Variants in CHD1 observed in about 807,000 individuals in gnomAD.
CHD1 encodes chromodomain helicase DNA binding protein 1.
CHD1 carries 36 observed loss-of-function variants against 224.2 expected under a neutral mutation model. The observed-to-expected ratio is 0.16, with a 90% CI of 0.12 to 0.21. The LOEUF (loss-of-function observed/expected upper bound fraction) is 0.21, where lower values mean the gene tolerates loss of function less well. Ranked by LOEUF, CHD1 falls within the 10% of genes least tolerant of loss-of-function variation. CHD1 has a pLI of 1.00. For missense variants in CHD1, 1,378 were observed against 1,994.8 expected (o/e 0.69, Z 5.89); for synonymous variants, 668 against 658.3 (o/e 1.01, Z -0.23).
At chr5:98,893,668 T>C in intron 13 of CHD1, 62 bp from the exon 14 acceptor site, 3 of 1,019,816 alleles carry the variant, frequency 2.9e-6, no homozygotes, top group Non-Finnish European at 4.4e-6. Flanking sequence ...AGCCTTCCCA[T>C]TTAATCTGAA....
intron 22 of CHD1, 56 bp from the exon 23 acceptor site, chr5:98,879,784 G>GT (rs1007293289): frequency 1.5e-4 from 194 of 1,261,048 alleles, no homozygotes; most frequent in Middle Eastern, 2.7e-4. Context: ...ATCCCTAAAA[G>GT]TTTTTTTTAA....
In CHD1 at chr5:98,909,750, T is replaced by C. The variant is rs72775628; in HGVS notation, c.54-4652A>G. 3.5e-3 allele frequency among the ~76,000 whole-genome samples: 531 copies of C among 152,290 alleles called. 1 individual carries two copies. Among genetic ancestry groups the C allele is most frequent in the Non-Finnish European group, 5.8e-3 (396 of 67,980 alleles). ...GTTAAATCGCCAGCATCCTTCAAAGTAGACCAATAATTTTTTAAGTCCCAT... is the reference window on the plus strand; with the variant it reads ...GTTAAATCGCCAGCATCCTTCAAAGCAGACCAATAATTTTTTAAGTCCCAT... On this transcript the variant is annotated intron_variant, in intron 2 of 35. Transcript: ENST00000614616.
At chr5:98,910,111 T>C (rs1192223416) in intron 2 of CHD1, among the ~76,000 whole-genome samples, 2 of 152,166 alleles carry the variant, frequency 1.3e-5, no homozygotes, top group African/African-American at 4.8e-5. Flanking sequence ...GATGTTTCAA[T>C]GGAATGAGCT....
intron 24 of CHD1, 53 bp downstream of exon 24, chr5:98,876,345 A>C: frequency 6.6e-7 from 1 of 1,524,044 alleles, no homozygotes. Flanking sequence ...TTTACATTTT[A>C]GTTTCACACT....
chr5:98,878,066 G>A (rs983025163), intron 23 of CHD1, among the ~76,000 whole-genome samples: 10 of 152,204 alleles, frequency 6.6e-5, no homozygotes, highest in African/African-American at 2.4e-4. Flanking sequence ...ATACAAGCAG[G>A]TAAGAGGAGA....
chr5:98,898,379 C>T lies in CHD1; in HGVS notation c.1242G>A (p.Gln414=). Residue 414 remains glutamine, a synonymous_variant, in exon 10 of 36, where the codon CAG becomes CAA. Coordinates refer to ENST00000614616, the MANE Select transcript of CHD1 (RefSeq NM_001270.4). ...AGYPDYYCKW[Q]GLPYSECSWE... is the part of the protein sequence containing the mutation. ...AGCTGCACTCTGAGTATGGAAGGCC[C>T]TGCCATTTGCAGTAATAATCAGGAT... 6.3e-7 allele frequency: 1 copy of T among 1,598,294 alleles called. No homozygotes were observed. Among genetic ancestry groups the T allele is most frequent in the Non-Finnish European group, 8.5e-7 (1 of 1,173,744 alleles).
rs746545554 is a variant in CHD1, at chr5:98,858,325, T to C, written c.4642A>G (p.Arg1548Gly). The C allele has an allele frequency of 4.3e-6, 7 of 1,613,188 alleles. No homozygotes were observed. The highest frequency in any genetic ancestry group is 5.9e-6 in the Non-Finnish European group (7 of 1,179,348). The change falls in exon 35 of 36, where the codon AGA becomes GGA. Residue 1548 changes from arginine (R) to glycine (G), a missense_variant. By Grantham distance (125) the Arg-to-Gly change is moderately radical (BLOSUM62 -2). This residue lies in a region of CHD1 where 278 missense variants were observed against 298.5 expected (regional missense o/e 0.93). Transcript: ENST00000614616. ...DSSRDSYSSD[R>G]HLTQYHDHHK... ...TGATCATGGTACTGAGTTAAGTGTCTATCAGAGGAATAACTGTCCCTGCTG... is the reference window on the plus strand; with the variant it reads ...TGATCATGGTACTGAGTTAAGTGTCCATCAGAGGAATAACTGTCCCTGCTG...
intron 31 of CHD1, among the ~76,000 whole-genome samples, chr5:98,867,130 A>T (rs528924229): frequency 2.6e-5 from 4 of 152,316 alleles, no homozygotes; most frequent in African/African-American, 9.6e-5. Flanking sequence ...ATAAGTATAT[A>T]ATTATATTCA....
At chr5:98,868,398 A>T in intron 31 of CHD1, 97 bp downstream of exon 31, 1 of 1,054,230 alleles carries the variant, frequency 9.5e-7, no homozygotes, top group Non-Finnish European at 1.3e-6. Flanking sequence ...ATCTACAATA[A>T]ATTCAAATGC....
At chr5:98,883,920 C>A (rs1466606392) in intron 18 of CHD1, 9 of 108,862 alleles carry the variant, frequency 8.3e-5, no homozygotes, top group African/African-American at 5.1e-4. Flanking sequence ...TGGCTCACTG[C>A]AACCTCCACC....
chr5:98,881,157 A>C lies in CHD1; in HGVS notation c.2979T>G (p.Asp993Glu). 1 of 1,596,700 alleles carries C rather than the reference A, an allele frequency of 6.3e-7. No homozygotes were observed. Among genetic ancestry groups the C allele is most frequent in the Non-Finnish European group, 8.6e-7 (1 of 1,168,618 alleles). Residue 993 changes from aspartate (D) to glutamate (E), a missense_variant, in exon 22 of 36, where the codon GAT becomes GAG. Around this residue, in one of 16 missense-constraint regions of CHD1, gnomAD observed 286 missense variants for 445.1 expected, o/e 0.64. Coordinates refer to ENST00000614616, the MANE Select transcript of CHD1 (RefSeq NM_001270.4). ...EEQEPQEMDI[D>E]EILKRAETHE... ...GAGTTTCAGCTCTCTTCAAGATTTC[A>C]TCTATATCCATTTCCTATAATTAAA...
At position 98,893,617 on chromosome 5, in the gene CHD1, T is replaced by C. The variant is rs1324346572; in HGVS notation, c.1801-11A>G. 25 of 1,519,006 alleles carry C rather than the reference T, an allele frequency of 1.6e-5. No individual in the cohort carries two copies. Among genetic ancestry groups the C allele is most frequent in the Middle Eastern group, 2.2e-4 (1 of 4,620 alleles). 94.1% of individuals were successfully genotyped at this position (1,519,006 alleles called of 1,614,324 possible). A position where few individuals can be genotyped will look rare whatever the true frequency, so the allele number is the denominator to read the frequency against. On this transcript the variant is annotated splice_polypyrimidine_tract_variant and intron_variant, in intron 13 of 35. Transcript: ENST00000614616. ...ACCTCCAAGGAATGCCTTAAAATAATAGAAAAACAGTATTTTGAGAGAAAA... is the reference window on the plus strand; with the variant it reads ...ACCTCCAAGGAATGCCTTAAAATAACAGAAAAACAGTATTTTGAGAGAAAA...
Position 98,871,572 on chromosome 5 carries a change from G to A in CHD1, c.3861+479C>T, listed in dbSNP as rs80324416. On this transcript the variant is annotated intron_variant, in intron 28 of 35. Transcript: ENST00000614616. ...AAGAAATAAGACCTAGTGTTTGATA[G>A]GTGAGTAGGGTGACTACAGTTAGCA... is the stretch of plus-strand genomic sequence containing the variant. Among the ~76,000 whole-genome samples, 162 of 151,958 alleles carry A rather than the reference G, an allele frequency of 1.1e-3. 2 individuals are homozygous for A. The East Asian group carries it at 0.018, about 17-fold the overall frequency.
chr5:98,858,694 T>C (rs1748231153), intron 34 of CHD1: 1 of 417,430 alleles, frequency 2.4e-6, no homozygotes, highest in Non-Finnish European at 4.2e-6. Flanking sequence ...TAAAAAAGAA[T>C]ATTTGTTCAT....
chr5:98,912,718 C>T (rs1174989263), intron 2 of CHD1, among the ~76,000 whole-genome samples: 1 of 152,056 alleles, frequency 6.6e-6, no homozygotes, highest in Non-Finnish European at 1.5e-5. Context: ...CAAATGTATA[C>T]AAAAGTCACC....
At position 98,926,433 on chromosome 5, in the gene CHD1, A is replaced by G; in HGVS notation, c.-47T>C. ...TTTAAAGTAAAATATAAATCTTCCC[A>G]GTTTAAAAGATGAATATAAATACTG... On this transcript the variant is annotated 5_prime_UTR_variant, in exon 2 of 36. Coordinates refer to ENST00000614616, the MANE Select transcript of CHD1 (RefSeq NM_001270.4). 2 of 1,048,656 alleles carry G rather than the reference A, an allele frequency of 1.9e-6. No individual in the cohort carries two copies. Among genetic ancestry groups the G allele is most frequent in the Non-Finnish European group, 2.7e-6 (2 of 731,608 alleles). The allele number at this position is 1,048,656 out of a possible 1,614,324, so 65.0% of individuals were successfully genotyped here.
At chr5:98,893,899 G>C (rs1287908365) in intron 13 of CHD1, among the ~76,000 whole-genome samples, 1 of 151,964 alleles carries the variant, frequency 6.6e-6, no homozygotes, top group Non-Finnish European at 1.5e-5. Context: ...TTTTACAAAA[G>C]ATTTTTAGCC....
chr5:98,893,762 C>T (rs1240384934), intron 13 of CHD1, among the ~76,000 whole-genome samples, 156 bp from the exon 14 acceptor site: 3 of 152,040 alleles, frequency 2.0e-5, no homozygotes, highest in Non-Finnish European at 4.4e-5. Context: ...GATTACAATA[C>T]ATAAGTAACT....
intron 19 of CHD1, among the ~76,000 whole-genome samples, chr5:98,882,883 A>G (rs1288957284): frequency 2.6e-5 from 4 of 152,196 alleles, no homozygotes; most frequent in African/African-American, 7.2e-5. Context: ...AACAGAATAC[A>G]TGATCCTATA....
Sources: allele counts gnomAD v4.1 joint callset (sites outside exome capture counted in the v4.1 genomes callset), GRCh38; gene constraint gnomAD v4.1.1; regional missense constraint gnomAD v4.1.1; transcripts MANE v1.5; gene names NCBI Gene and HGNC (gene_info 2026-07-23, HGNC 2026-07-21).